The following AFAP1L1 variants were observed in gnomAD, a reference collection of about 807,000 sequenced individuals.
The protein encoded by AFAP1L1 is actin filament associated protein 1 like 1.
A neutral mutation model predicts 99.8 loss-of-function variants in AFAP1L1; 77 were observed. That is an observed-to-expected ratio of 0.77 (90% CI 0.64 to 0.93). The LOEUF is 0.93. Among genes scored for constraint, AFAP1L1 ranks in the 40% least tolerant of loss-of-function variants. The pLI, the probability that AFAP1L1 is intolerant of heterozygous loss-of-function variation, is 0.00. For synonymous variants in AFAP1L1, 373 were observed against 395.3 expected (o/e 0.94, Z 0.67); for missense variants, 893 against 996.8 (o/e 0.90, Z 1.40).
At chr5:149,316,390 C>G (rs1756799469) in intron 11 of AFAP1L1, 87 bp downstream of exon 11, 1 of 1,490,106 alleles carries the variant, frequency 6.7e-7, no homozygotes, top group Non-Finnish European at 9.1e-7. Context: ...CATGCCTCGT[C>G]CACCTCACCC....
In AFAP1L1 at chr5:149,307,573, G is replaced by A. The variant is rs1174883799; in HGVS notation, c.707G>A (p.Trp236Ter). Residue 236 changes from tryptophan to a stop codon, truncating the protein, a stop_gained, in exon 7 of 19, where the codon TGG becomes TAG. Transcript: ENST00000296721. LOFTEE classifies it high-confidence loss of function. ...CTGCGGAAAAAGCGTTTCGGGCAGTGGGCCAAGCAGCTGACGGTCATCAGG... is the reference window on the plus strand; with the variant it reads ...CTGCGGAAAAAGCGTTTCGGGCAGTAGGCCAAGCAGCTGACGGTCATCAGG... The part of the protein sequence containing the change: ...FLLRKKRFGQ[W>*]AKQLTVIRED... The A allele has an allele frequency of 6.2e-7, 1 of 1,613,206 alleles. No homozygotes were observed. The highest frequency in any genetic ancestry group is 8.5e-7 in the Non-Finnish European group (1 of 1,180,022).
At chr5:149,275,952 G>A in intron 1 of AFAP1L1, among the ~76,000 whole-genome samples, 1 of 152,310 alleles carries the variant, frequency 6.6e-6, no homozygotes, top group Non-Finnish European at 1.5e-5. Context: ...ATTTGGGAGG[G>A]ACAAAATTCA....
At chr5:149,303,875 G>T (rs187204709) in intron 5 of AFAP1L1, among the ~76,000 whole-genome samples, 1 of 152,124 alleles carries the variant, frequency 6.6e-6, no homozygotes, top group South Asian at 2.1e-4. Context: ...TAAAATACAC[G>T]TAAGATTAAC....
intron 13 of AFAP1L1, 23 bp downstream of exon 13, chr5:149,319,750 A>G: frequency 6.2e-7 from 1 of 1,609,312 alleles, no homozygotes; most frequent in Non-Finnish European, 8.5e-7. Flanking sequence ...TGCACTGGCC[A>G]CACCTGCCCA....
chr5:149,331,841 C>T (rs80126929), intron 16 of AFAP1L1, among the ~76,000 whole-genome samples: 1 of 152,050 alleles, frequency 6.6e-6, no homozygotes. Context: ...CATGCTTCTA[C>T]CCTTCTCTCC....
At chr5:149,281,967 G>A (rs1182607157) in intron 1 of AFAP1L1, among the ~76,000 whole-genome samples, 3 of 152,182 alleles carry the variant, frequency 2.0e-5, no homozygotes, top group Non-Finnish European at 2.9e-5. Context: ...TTCCTGCTGT[G>A]GCCCTTGGAG....
At chr5:149,289,934 T>C (rs1303594519) in intron 1 of AFAP1L1, among the ~76,000 whole-genome samples, 11 of 152,186 alleles carry the variant, frequency 7.2e-5, no homozygotes, top group Admixed American at 3.3e-4. Context: ...TCCACCTTAT[T>C]GTAAGACTTA....
chr5:149,315,936 G>A, intron 10 of AFAP1L1, 22 bp downstream of exon 10: 2 of 1,613,394 alleles, frequency 1.2e-6, no homozygotes, highest in Non-Finnish European at 8.5e-7. Context: ...TGGGGGCTCA[G>A]GCTGGGGAAT....
intron 17 of AFAP1L1, 128 bp downstream of exon 17, chr5:149,333,001 C>T: frequency 7.8e-7 from 1 of 1,283,028 alleles, no homozygotes; most frequent in Non-Finnish European, 1.0e-6. Context: ...AAACTGAAGT[C>T]CAAAGAGGTG....
At chr5:149,286,997 G>C (rs565889111) in intron 1 of AFAP1L1, among the ~76,000 whole-genome samples, 2 of 152,314 alleles carry the variant, frequency 1.3e-5, no homozygotes, top group African/African-American at 4.8e-5. Context: ...ACCTTGCTAG[G>C]CCTCAGTTTC....
intron 1 of AFAP1L1, among the ~76,000 whole-genome samples, chr5:149,278,454 C>A (rs959603625): frequency 6.6e-6 from 1 of 152,118 alleles, no homozygotes; most frequent in Non-Finnish European, 1.5e-5. Context: ...CTACTCCTTT[C>A]TGATGTATTC....
At chr5:149,296,831 A>G (rs1241812685) in intron 1 of AFAP1L1, among the ~76,000 whole-genome samples, 1 of 152,214 alleles carries the variant, frequency 6.6e-6, no homozygotes, top group East Asian at 1.9e-4. Context: ...ACAATTCATC[A>G]TGGCTGGGGA....
At chr5:149,301,612 G>T (rs1441817806) in intron 4 of AFAP1L1, among the ~76,000 whole-genome samples, 1 of 152,062 alleles carries the variant, frequency 6.6e-6, no homozygotes, top group African/African-American at 2.4e-5. Context: ...CCAGGAGTTG[G>T]GTGACCTCTG....
intron 1 of AFAP1L1, among the ~76,000 whole-genome samples, chr5:149,291,088 C>A (rs796659853): frequency 3.3e-5 from 5 of 152,238 alleles, no homozygotes; most frequent in African/African-American, 1.2e-4. Context: ...AGGAAGGTAT[C>A]CCTGAGGAAG....
intron 15 of AFAP1L1, among the ~76,000 whole-genome samples, chr5:149,326,555 A>G (rs352342): frequency 1.6e-5 from 2 of 128,758 alleles, no homozygotes; most frequent in African/African-American, 2.5e-5. Context: ...TAAAAAAAAA[A>G]AAAAAAAGAA....
Position 149,326,996 on chromosome 5 carries a change from A to G in AFAP1L1, c.1811-2670A>G, listed in dbSNP as rs577817341. On this transcript the variant is annotated intron_variant, in intron 15 of 18. Coordinates refer to ENST00000296721, the MANE Select transcript of AFAP1L1 (RefSeq NM_152406.4). The stretch of plus-strand genomic sequence containing the variant: ...ACCCGGTTGGGGGGATGCATATCAA[A>G]AGATACTACAATATATTCTCGAAAA... 2.6e-5 allele frequency among the ~76,000 whole-genome samples: 4 copies of G among 152,342 alleles called. No homozygotes were observed. In the South Asian group the frequency reaches 8.3e-4, roughly 32 times the overall value.
chr5:149,324,468 T>C (rs1490444547), intron 15 of AFAP1L1, among the ~76,000 whole-genome samples: 5 of 152,168 alleles, frequency 3.3e-5, no homozygotes, highest in African/African-American at 4.8e-5. Context: ...CATATGAATT[T>C]TGGGGGATGT....
Position 149,309,105 on chromosome 5 carries a change from A to G in AFAP1L1, c.748-851A>G, listed in dbSNP as rs1756528408. Among the ~76,000 whole-genome samples the G allele has an allele frequency of 1.3e-5, 2 of 152,186 alleles. 1 individual carries two copies. On this transcript the variant is annotated intron_variant, in intron 7 of 18. Coordinates refer to ENST00000296721, the MANE Select transcript of AFAP1L1 (RefSeq NM_152406.4). ...CAGCGTGGGTGATAAAGCAAGACCC[A>G]GTCTCTAAACATAATAATAATAATA... is the stretch of plus-strand genomic sequence containing the variant.
In AFAP1L1 at chr5:149,329,798, G is replaced by A; in HGVS notation, c.1943G>A (p.Arg648Lys). ...TELIALRQEK[R>K]ELKEAIRSSP... ...CTGATAGCACTGAGACAGGAGAAGA[G>A]GGAACTGAAGGAAGCCATTCGGAGC... The change falls in exon 16 of 19, where the codon AGG becomes AAG. Residue 648 changes from arginine to lysine, a missense_variant. Arg to Lys is a conservative substitution (Grantham distance 26, BLOSUM62 2). Transcript: ENST00000296721. The A allele has an allele frequency of 6.2e-7, 1 of 1,613,090 alleles. No homozygotes were observed. Among genetic ancestry groups the A allele is most frequent in the Non-Finnish European group, 8.5e-7 (1 of 1,179,564 alleles).
Sources: allele counts gnomAD v4.1 joint callset (sites outside exome capture counted in the v4.1 genomes callset), GRCh38; gene constraint gnomAD v4.1.1; transcripts MANE v1.5; gene names NCBI Gene and HGNC (gene_info 2026-07-23, HGNC 2026-07-21).